ADGRB3: variants seen among roughly 807,000 people sequenced by gnomAD.
ADGRB3 encodes the protein adhesion G protein-coupled receptor B3.
Under a neutral mutation model 193.4 loss-of-function variants are expected in ADGRB3, and 37 were observed. The ratio of observed to expected loss-of-function variants is 0.19; its 90% CI spans 0.15 to 0.25. The LOEUF is 0.25. Among genes scored for constraint, ADGRB3 ranks in the 10% least tolerant of loss-of-function variants. The probability of loss-of-function intolerance (pLI) is 1.00; values close to 1 mark genes in which losing one functional copy is unlikely to be tolerated. For synonymous variants in ADGRB3, 690 were observed against 644.2 expected, an observed-to-expected ratio of 1.07 and a Z score of -1.08; for missense variants, 1,637 against 1,852.9, an observed-to-expected ratio of 0.88 and a Z score of 2.14.
At chr6:68,681,931 G>T (rs191374869) in intron 3 of ADGRB3, among the ~76,000 whole-genome samples, 6 of 152,252 alleles carry the variant, frequency 3.9e-5, no homozygotes, top group African/African-American at 1.4e-4. Context: ...TAGGGAATGG[G>T]CAACAATACT....
intron 17 of ADGRB3, among the ~76,000 whole-genome samples, chr6:69,167,151 G>A (rs896305199): frequency 1.7e-4 from 26 of 152,096 alleles, no homozygotes; most frequent in African/African-American, 6.0e-4. Context: ...AGAGCAGCCA[G>A]GGTAGAAGTA....
chr6:68,943,991 C>G lies in ADGRB3; in HGVS notation c.1192C>G (p.Pro398Ala). The change falls in exon 6 of 32, where the codon CCA becomes GCA. Residue 398 changes from proline (P) to alanine (A), a missense_variant. Physicochemically the swap from Pro to Ala is conservative, Grantham distance 27 (BLOSUM62 -1). Coordinates refer to ENST00000370598, the MANE Select transcript of ADGRB3 (RefSeq NM_001704.3). ...HHKPCNIALC[P>A]VDGQWQEWSS... Reference sequence around the variant, plus strand: ...TAAGCCTTGTAATATTGCTCTTTGCCCAGGTGAGCCTATTCTGCATTTGGT... The same window carrying G: ...TAAGCCTTGTAATATTGCTCTTTGCGCAGGTGAGCCTATTCTGCATTTGGT... 1 of 1,598,716 alleles carries G rather than the reference C, an allele frequency of 6.3e-7. No individual in the cohort carries two copies. Among genetic ancestry groups the G allele is most frequent in the Non-Finnish European group, 8.6e-7 (1 of 1,169,510 alleles).
chr6:69,269,759 G>C (rs565308967), intron 20 of ADGRB3, among the ~76,000 whole-genome samples: 61 of 152,116 alleles, frequency 4.0e-4, no homozygotes, highest in African/African-American at 1.5e-3. Flanking sequence ...TATTTAGTTT[G>C]CCTGTCATAC....
At chr6:69,074,706 T>A (rs951544547) in intron 16 of ADGRB3, among the ~76,000 whole-genome samples, 26 of 151,846 alleles carry the variant, frequency 1.7e-4, no homozygotes, top group Admixed American at 3.9e-4. Context: ...CACCACGTCC[T>A]GCTAATTTTT....
At chr6:68,747,910 G>A (rs1192918687) in intron 3 of ADGRB3, among the ~76,000 whole-genome samples, 2 of 152,190 alleles carry the variant, frequency 1.3e-5, no homozygotes, top group African/African-American at 2.4e-5. Flanking sequence ...GCTTGGGGGG[G>A]CCTCAGAATC....
At chr6:69,292,796 G>T (rs1767717802) in intron 20 of ADGRB3, among the ~76,000 whole-genome samples, 1 of 152,026 alleles carries the variant, frequency 6.6e-6, no homozygotes, top group Admixed American at 6.6e-5. Flanking sequence ...GTATACATGT[G>T]CCATGCTGGT....
intron 3 of ADGRB3, among the ~76,000 whole-genome samples, chr6:68,703,171 A>C (rs369468097): frequency 8.5e-5 from 13 of 152,270 alleles, no homozygotes; most frequent in African/African-American, 2.9e-4. Context: ...CTTCAACTCT[A>C]CTGTATGTTT....
intron 20 of ADGRB3, among the ~76,000 whole-genome samples, chr6:69,297,511 T>G (rs1254653447): frequency 6.6e-6 from 1 of 151,780 alleles, no homozygotes; most frequent in East Asian, 1.9e-4. Flanking sequence ...AGGTGATAGC[T>G]CCAAGCTTTT....
At chr6:69,051,630 A>T (rs898275140) in intron 15 of ADGRB3, among the ~76,000 whole-genome samples, 1 of 152,216 alleles carries the variant, frequency 6.6e-6, no homozygotes, top group Admixed American at 6.5e-5. Context: ...TAATGTGACC[A>T]CTAAGTACCC....
At chr6:68,900,033 A>G (rs534409674) in intron 3 of ADGRB3, among the ~76,000 whole-genome samples, 1 of 152,256 alleles carries the variant, frequency 6.6e-6, no homozygotes, top group Admixed American at 6.5e-5. Context: ...AAATTTTTTT[A>G]ATGAGACATT....
At chr6:68,908,898 T>C (rs1005755823) in intron 3 of ADGRB3, among the ~76,000 whole-genome samples, 1 of 152,148 alleles carries the variant, frequency 6.6e-6, no homozygotes, top group Non-Finnish European at 1.5e-5. Flanking sequence ...CAAGCAAGCC[T>C]TGTGGTTAAA....
intron 13 of ADGRB3, among the ~76,000 whole-genome samples, chr6:69,021,122 A>G (rs928967228): frequency 2.0e-5 from 3 of 151,876 alleles, no homozygotes; most frequent in Non-Finnish European, 4.4e-5. Flanking sequence ...TATATGCACA[A>G]ACACAGGCAT....
At chr6:68,760,497 A>G (rs1175639749) in intron 3 of ADGRB3, among the ~76,000 whole-genome samples, 1 of 152,242 alleles carries the variant, frequency 6.6e-6, no homozygotes, top group Non-Finnish European at 1.5e-5. Flanking sequence ...CCAGAACCAA[A>G]GAAAATGACA....
chr6:69,252,106 C>T lies in ADGRB3; in HGVS notation c.2814+12880C>T, dbSNP rs376338091. ...CAAGCGTTGTTCTGATTCCTGTCAT[C>T]GTGAATTCATTTTTTCTGTTTCAGG... On this transcript the variant is annotated intron_variant, in intron 20 of 31. Transcript: ENST00000370598. 1.2e-3 allele frequency among the ~76,000 whole-genome samples: 180 copies of T among 152,178 alleles called. 2 individuals carry two copies. The South Asian group carries it at 0.03, about 25-fold the overall frequency.
At chr6:68,936,786 T>A in intron 5 of ADGRB3, 106 bp downstream of exon 5, 2 of 1,179,094 alleles carry the variant, frequency 1.7e-6, no homozygotes, top group Non-Finnish European at 2.4e-6. Flanking sequence ...GCATTTTGAT[T>A]AGAGTGGATA....
chr6:68,677,685 T>G (rs1043852226), intron 3 of ADGRB3, among the ~76,000 whole-genome samples: 2 of 151,862 alleles, frequency 1.3e-5, no homozygotes, highest in Non-Finnish European at 2.9e-5. Flanking sequence ...ACTGGGCGAA[T>G]TTTTGTAGTT....
chr6:68,722,552 G>A (rs1197282167), intron 3 of ADGRB3, among the ~76,000 whole-genome samples: 1 of 150,690 alleles, frequency 6.6e-6, no homozygotes, highest in East Asian at 2.0e-4. Context: ...AAAAGATGAA[G>A]TTATATACCA....
chr6:68,928,658 C>G (rs1582322531), intron 3 of ADGRB3, among the ~76,000 whole-genome samples: 1 of 152,250 alleles, frequency 6.6e-6, no homozygotes, highest in Non-Finnish European at 1.5e-5. Flanking sequence ...TCTACCAGAA[C>G]AGGTTATACA....
intron 16 of ADGRB3, among the ~76,000 whole-genome samples, chr6:69,065,792 CACACACAT>C (rs1206766882): frequency 1.3e-5 from 2 of 151,562 alleles, no homozygotes; most frequent in Non-Finnish European, 2.9e-5. Context: ...CACACACACA[CACACACAT>C]ATGTACATAT....
Sources: allele counts gnomAD v4.1 joint callset (sites outside exome capture counted in the v4.1 genomes callset), GRCh38; gene constraint gnomAD v4.1.1; transcripts MANE v1.5; gene names NCBI Gene and HGNC (gene_info 2026-07-23, HGNC 2026-07-21).